HECW2: variants seen among roughly 807,000 people sequenced by gnomAD.
HECW2 encodes E3 ubiquitin-protein ligase HECW2.
A neutral mutation model predicts 175.2 loss-of-function variants in HECW2; 61 were observed. The observed-to-expected ratio is 0.35, with a 90% CI of 0.28 to 0.43. The LOEUF (loss-of-function observed/expected upper bound fraction) is 0.43. Among genes scored for constraint, HECW2 ranks in the 20% least tolerant of loss-of-function variants. The pLI, the probability that HECW2 is intolerant of heterozygous loss-of-function variation, is 1.00. For synonymous variants in HECW2, 671 were observed against 731.0 expected (o/e 0.92, Z 1.32); for missense variants, 1,524 against 2,000.5 (o/e 0.76, Z 4.54).
intron 2 of HECW2, among the ~76,000 whole-genome samples, chr2:196,385,884 G>C (rs1000221290): frequency 9.9e-5 from 15 of 152,142 alleles, no homozygotes; most frequent in African/African-American, 3.6e-4. Context: ...AAACCTATTA[G>C]GTATGTTTCA....
intron 1 of HECW2, among the ~76,000 whole-genome samples, chr2:196,522,541 G>T (rs1688443026): frequency 6.6e-6 from 1 of 151,986 alleles, no homozygotes; most frequent in Admixed American, 6.6e-5. Context: ...TTTTAGACAT[G>T]AAGTCCTTGC....
chr2:196,377,448 A>G (rs993898247), intron 2 of HECW2, among the ~76,000 whole-genome samples: 2 of 152,212 alleles, frequency 1.3e-5, no homozygotes, highest in Admixed American at 1.3e-4. Flanking sequence ...CCCCACAATC[A>G]TGGTGGAAGA....
At chr2:196,400,801 C>G (rs1037086881) in intron 2 of HECW2, among the ~76,000 whole-genome samples, 12 of 149,604 alleles carry the variant, frequency 8.0e-5, no homozygotes, top group Non-Finnish European at 1.8e-4. Flanking sequence ...GAGCCACTAA[C>G]CCCCATTCCC....
intron 17 of HECW2, among the ~76,000 whole-genome samples, chr2:196,260,850 A>G (rs1445254769): frequency 2.6e-5 from 4 of 152,244 alleles, no homozygotes; most frequent in Non-Finnish European, 5.9e-5. Context: ...TCTACTAGAA[A>G]TTTGCATACA....
intron 17 of HECW2, among the ~76,000 whole-genome samples, chr2:196,266,041 AAT>A (rs2105947260): frequency 6.6e-6 from 1 of 152,238 alleles, no homozygotes; most frequent in Admixed American, 6.5e-5. Context: ...AAATTATTTT[AAT>A]CAGGTGTCCA....
In HECW2 at chr2:196,233,102, C is replaced by A. The variant is rs184383934; in HGVS notation, c.3765-4848G>T. Among the ~76,000 whole-genome samples, 579 of 152,336 alleles carry A rather than the reference C, an allele frequency of 3.8e-3. 1 individual carries two copies. Among genetic ancestry groups the A allele is most frequent in the African/African-American group, 0.013 (520 of 41,572 alleles). On this transcript the variant is annotated intron_variant, in intron 21 of 28. Coordinates refer to ENST00000644978, the MANE Select transcript of HECW2 (RefSeq NM_001348768.2). ...GCTTCCTGTAATGTCTTAGCAACTTCTTTCATATAAATAGTTAATATGACT... is the reference window on the plus strand; with the variant it reads ...GCTTCCTGTAATGTCTTAGCAACTTATTTCATATAAATAGTTAATATGACT...
chr2:196,360,509 A>G (rs977274062), intron 2 of HECW2, among the ~76,000 whole-genome samples: 1 of 152,172 alleles, frequency 6.6e-6, no homozygotes, highest in Non-Finnish European at 1.5e-5. Flanking sequence ...ACTCATGGAC[A>G]CAAAAAAGGG....
At chr2:196,423,892 T>C (rs145009185) in intron 2 of HECW2, among the ~76,000 whole-genome samples, 1 of 152,048 alleles carries the variant, frequency 6.6e-6, no homozygotes, top group East Asian at 1.9e-4. Flanking sequence ...CATATAGTAT[T>C]TATATTTTTA....
rs754130841 is a variant in HECW2, at chr2:196,318,869, A to C, written c.2021T>G (p.Phe674Cys). 1.9e-6 allele frequency: 3 copies of C among 1,552,002 alleles called. No homozygotes were observed. Among genetic ancestry groups the C allele is most frequent in the Non-Finnish European group, 2.6e-6 (3 of 1,149,150 alleles). ...TCCGTCTTCCTCCTCCTGAGAAGAAAAGGCTGGGGTTTCAGGAAACCGTGC... is the reference window on the plus strand; with the variant it reads ...TCCGTCTTCCTCCTCCTGAGAAGAACAGGCTGGGGTTTCAGGAAACCGTGC... ...ESARFPETPAFSSQEEEDGAC... is the reference protein window; with the variant it reads ...ESARFPETPACSSQEEEDGAC... Residue 674 changes from phenylalanine to cysteine, a missense_variant, in exon 9 of 29, where the codon TTT (phenylalanine) becomes TGT (cysteine). Around this residue, in one of 11 missense-constraint regions of HECW2, gnomAD observed 604 missense variants for 588.3 expected, o/e 1.03. Transcript: ENST00000644978.
chr2:196,436,400 C>CAA (rs35290180), intron 1 of HECW2, among the ~76,000 whole-genome samples: 1 of 82,066 alleles, frequency 1.2e-5, no homozygotes, highest in Non-Finnish European at 2.5e-5. Flanking sequence ...GACTCCATCT[C>CAA]AAAAAAAAAA....
Position 196,347,758 on chromosome 2 carries a change from G to A in HECW2, c.293-3994C>T, listed in dbSNP as rs188595214. On this transcript the variant is annotated intron_variant, in intron 2 of 28. Coordinates refer to ENST00000644978, the MANE Select transcript of HECW2 (RefSeq NM_001348768.2). ...CTTCATAAGGAAGGAAAGCTGCTGC[G>A]TTATTCCTTGCCAACCATGGTGCTT... Among the ~76,000 whole-genome samples, 612 of 152,298 alleles carry A rather than the reference G, an allele frequency of 4.0e-3. 7 individuals carry two copies. The highest frequency in any genetic ancestry group is 0.014 in the African/African-American group (566 of 41,562).
At chr2:196,329,290 C>T (rs578001814) in intron 5 of HECW2, among the ~76,000 whole-genome samples, 8 of 152,258 alleles carry the variant, frequency 5.3e-5, no homozygotes, top group Non-Finnish European at 1.2e-4. Flanking sequence ...CAAAGCTCCT[C>T]AGTGAGGTTA....
At chr2:196,360,497 A>G (rs1693549714) in intron 2 of HECW2, among the ~76,000 whole-genome samples, 1 of 152,168 alleles carries the variant, frequency 6.6e-6, no homozygotes, top group Non-Finnish European at 1.5e-5. Flanking sequence ...CTAAGAGATG[A>G]GACTCATGGA....
chr2:196,243,243 C>T (rs925980872), intron 19 of HECW2, among the ~76,000 whole-genome samples: 4 of 148,814 alleles, frequency 2.7e-5, no homozygotes, highest in African/African-American at 9.9e-5. Context: ...TCTCAGCTCA[C>T]CGCAACCTCC....
At chr2:196,278,133 A>AAAAAAAAAATATATATATATATAT (rs531920307) in intron 15 of HECW2, among the ~76,000 whole-genome samples, 1 of 66,552 alleles carries the variant, frequency 1.5e-5, no homozygotes, top group African/African-American at 4.1e-5. Flanking sequence ...ATAATTAAAA[A>AAAAAAAAAATATATATATATATAT]ATATATATAT....
chr2:196,332,010 T>C (rs1692379283), intron 4 of HECW2, among the ~76,000 whole-genome samples: 1 of 152,190 alleles, frequency 6.6e-6, no homozygotes, highest in Admixed American at 6.5e-5. Flanking sequence ...AGCCGAAAGA[T>C]TTCCTGTTCC....
intron 2 of HECW2, among the ~76,000 whole-genome samples, chr2:196,364,071 C>T: frequency 6.6e-6 from 1 of 152,140 alleles, no homozygotes; most frequent in East Asian, 1.9e-4. Flanking sequence ...GCTTATGGTG[C>T]AGCTCTTACT....
At chr2:196,434,843 C>G (rs1695824126) in intron 1 of HECW2, among the ~76,000 whole-genome samples, 1 of 152,170 alleles carries the variant, frequency 6.6e-6, no homozygotes, top group Non-Finnish European at 1.5e-5. Flanking sequence ...TATTTCAACA[C>G]CCACTGCATG....
At chr2:196,228,917 C>CT (rs754201835) in intron 21 of HECW2, among the ~76,000 whole-genome samples, 2 of 152,172 alleles carry the variant, frequency 1.3e-5, no homozygotes, top group Non-Finnish European at 2.9e-5. Context: ...GGCTGAAACT[C>CT]TAACACCTGA....
Sources: gnomAD v4.1 joint callset for allele counts (sites outside exome capture counted in the v4.1 genomes callset) on GRCh38, gnomAD v4.1.1 for gene constraint, gnomAD v4.1.1 regional missense constraint, MANE v1.5 for transcripts, NCBI Gene and HGNC (gene_info 2026-07-23, HGNC 2026-07-21) for gene names.